ATAD2B: variants seen among roughly 807,000 people sequenced by gnomAD.
The protein encoded by ATAD2B is ATPase family AAA domain containing 2B.
ATAD2B carries 40 observed loss-of-function variants against 167.6 expected under a neutral mutation model. That is an observed-to-expected ratio of 0.24 (90% CI 0.19 to 0.31). ATAD2B has a LOEUF of 0.31. ATAD2B is among the 10% of genes least tolerant of loss of function. ATAD2B has a pLI of 1.00. For synonymous variants in ATAD2B, 579 were observed against 596.5 expected (o/e 0.97, Z 0.43); for missense variants, 1,242 against 1,757.2 (o/e 0.71, Z 5.24).
chr2:23,911,170 G>A (rs989987013), intron 1 of ATAD2B, among the ~76,000 whole-genome samples: 12 of 151,194 alleles, frequency 7.9e-5, no homozygotes, highest in Admixed American at 2.6e-4. Flanking sequence ...GCAGTGAGCC[G>A]AGATTGCACC....
chr2:23,912,761 T>C (rs1174752085), intron 1 of ATAD2B, among the ~76,000 whole-genome samples: 2 of 151,890 alleles, frequency 1.3e-5, no homozygotes, highest in Non-Finnish European at 2.9e-5. Flanking sequence ...GAGGCCGAAG[T>C]AGGCAGATCA....
chr2:23,728,110 C>T, the ATAD2B span, among the ~76,000 whole-genome samples: 2 of 151,956 alleles, frequency 1.3e-5, no homozygotes, highest in African/African-American at 2.4e-5. Context: ...AAATGCATCA[C>T]ACTAATGCAA....
intron 2 of ATAD2B, among the ~76,000 whole-genome samples, chr2:23,888,628 T>G (rs1027632467): frequency 1.3e-5 from 2 of 152,176 alleles, no homozygotes; most frequent in African/African-American, 4.8e-5. Context: ...CTAAGTTTAC[T>G]CTGCCATCAA....
chr2:23,878,033 A>AAAAG (rs1428479565), intron 7 of ATAD2B, among the ~76,000 whole-genome samples: 9 of 147,606 alleles, frequency 6.1e-5, no homozygotes, highest in Admixed American at 6.8e-5. Flanking sequence ...AAAAAAAAAA[A>AAAAG]AAAAAAGCAA....
intron 6 of ATAD2B, among the ~76,000 whole-genome samples, chr2:23,881,405 G>A (rs1486658908): frequency 6.9e-6 from 1 of 145,442 alleles, no homozygotes; most frequent in African/African-American, 2.6e-5. Flanking sequence ...TCTGTCGCCA[G>A]GCTGGAGTAC....
chr2:23,908,138 A>G (rs928284382), intron 1 of ATAD2B, among the ~76,000 whole-genome samples: 1 of 152,108 alleles, frequency 6.6e-6, no homozygotes, highest in Non-Finnish European at 1.5e-5. Context: ...AAATTGACAA[A>G]TGGGATCTAA....
At chr2:23,780,665 C>T (rs1160033945) in intron 22 of ATAD2B, among the ~76,000 whole-genome samples, 2 of 152,040 alleles carry the variant, frequency 1.3e-5, no homozygotes, top group Middle Eastern at 3.2e-3. Flanking sequence ...TCTGGGAGGC[C>T]GAGAGGGGCA....
chr2:23,908,761 C>G lies in ATAD2B; in HGVS notation c.217-12791G>C, dbSNP rs368368722. 4.0e-5 allele frequency among the ~76,000 whole-genome samples: 6 copies of G among 151,664 alleles called. No individual in the cohort carries two copies. In the East Asian group the frequency reaches 7.8e-4, roughly 20 times the overall value. ...CCAAATGTCCAACAATGATAGACTGCATTAAGAAAATGTGGCACATATACA... is the reference window on the plus strand; with the variant it reads ...CCAAATGTCCAACAATGATAGACTGGATTAAGAAAATGTGGCACATATACA... On this transcript the variant is annotated intron_variant, in intron 1 of 27. Transcript: ENST00000238789.
chr2:23,797,516 G>T (rs73922014), intron 19 of ATAD2B, among the ~76,000 whole-genome samples: 1 of 152,010 alleles, frequency 6.6e-6, no homozygotes, highest in East Asian at 1.9e-4. Context: ...GGATGAAAAG[G>T]ATATAACTGA....
the ATAD2B span, among the ~76,000 whole-genome samples, chr2:23,701,991 TTTTG>T: frequency 6.6e-6 from 1 of 151,608 alleles, no homozygotes; most frequent in Non-Finnish European, 1.5e-5. Flanking sequence ...TTTTTTTTTT[TTTTG>T]TATTTTTAGT....
At position 23,884,758 on chromosome 2, in the gene ATAD2B, T is replaced by C; in HGVS notation, c.784+7A>G. 6.5e-7 allele frequency: 1 copy of C among 1,546,958 alleles called. No homozygotes were observed. Among genetic ancestry groups the C allele is most frequent in the Non-Finnish European group, 8.8e-7 (1 of 1,142,252 alleles). On this transcript the variant is annotated splice_region_variant and intron_variant, in intron 6 of 27. Transcript: ENST00000238789. ...CTTTCTAGAATTCCAAAAAGTGCTT[T>C]ACAAACCTTCTTCTTCACCCTCAGT...
At chr2:23,685,751 G>T in the ATAD2B span, among the ~76,000 whole-genome samples, 2 of 152,200 alleles carry the variant, frequency 1.3e-5, no homozygotes, top group Non-Finnish European at 2.9e-5. Flanking sequence ...AGGGGCATGT[G>T]GTCTGGGGTG....
chr2:23,791,537 G>A (rs958218119), intron 19 of ATAD2B, among the ~76,000 whole-genome samples: 6 of 151,086 alleles, frequency 4.0e-5, no homozygotes, highest in African/African-American at 1.5e-4. Context: ...ATATTTTAGT[G>A]GGTTGCAGTG....
At chr2:23,851,306 A>G (rs1329177477) in intron 13 of ATAD2B, among the ~76,000 whole-genome samples, 2 of 151,908 alleles carry the variant, frequency 1.3e-5, no homozygotes, top group Non-Finnish European at 2.9e-5. Context: ...ACACCCAACT[A>G]ATTTTTGTAC....
chr2:23,741,312 G>A, the ATAD2B span, among the ~76,000 whole-genome samples: 1 of 152,118 alleles, frequency 6.6e-6, no homozygotes, highest in African/African-American at 2.4e-5. Context: ...ATACTACAAG[G>A]CTACAGGAAC....
chr2:23,891,620 C>G (rs1699498737), intron 2 of ATAD2B, among the ~76,000 whole-genome samples: 1 of 151,776 alleles, frequency 6.6e-6, no homozygotes, highest in Admixed American at 6.6e-5. Context: ...CTCAGCCTCC[C>G]AAGCAGTACA....
the ATAD2B span, chr2:23,684,248 G>T: frequency 2.1e-6 from 1 of 487,548 alleles, no homozygotes; most frequent in Non-Finnish European, 3.3e-6. This position sits in a 1 kb window ranked among gnomAD's most constrained non-coding sequence, Gnocchi z 4.4. Context: ...GACTTCTTTT[G>T]ACTGTCAGTG....
At chr2:23,723,062 C>T in the ATAD2B span, among the ~76,000 whole-genome samples, 4 of 152,106 alleles carry the variant, frequency 2.6e-5, no homozygotes, top group African/African-American at 4.8e-5. Context: ...GAGGCCAAGG[C>T]GGGAGGATCA....
the ATAD2B span, among the ~76,000 whole-genome samples, chr2:23,701,793 C>CT: frequency 0.071 from 1,593 of 22,504 alleles, 103 homozygotes; most frequent in Non-Finnish European, 0.1. Flanking sequence ...CTTTTTTTTG[C>CT]TTTTTTTTTT....
Sources: gnomAD v4.1 joint callset for allele counts (sites outside exome capture counted in the v4.1 genomes callset) on GRCh38, gnomAD v4.1.1 for gene constraint, Gnocchi (gnomAD v3.1) non-coding constraint, MANE v1.5 for transcripts, NCBI Gene and HGNC (gene_info 2026-07-23, HGNC 2026-07-21) for gene names.